The following MYO9A variants were observed in gnomAD, a reference collection of about 807,000 sequenced individuals.
The protein encoded by MYO9A is unconventional myosin-IXa.
A neutral mutation model predicts 293.3 loss-of-function variants in MYO9A; 103 were observed. The ratio of observed to expected loss-of-function variants is 0.35; its 90% CI spans 0.30 to 0.41. The LOEUF (loss-of-function observed/expected upper bound fraction) is 0.41, where lower values mean the gene tolerates loss of function less well. Among genes scored for constraint, MYO9A ranks in the 10% least tolerant of loss-of-function variants. The pLI is 1.00. For synonymous variants in MYO9A, 1,001 were observed against 1,035.7 expected (o/e 0.97, Z 0.64); for missense variants, 2,685 against 3,033.0 (o/e 0.89, Z 2.69).
At chr15:71,961,938 G>C (rs917213739) in intron 13 of MYO9A, among the ~76,000 whole-genome samples, 6 of 151,978 alleles carry the variant, frequency 3.9e-5, no homozygotes, top group African/African-American at 1.4e-4. Flanking sequence ...TGCCCAGGCT[G>C]GTCTTGAACT....
At chr15:72,074,696 T>C (rs1226646903) in intron 1 of MYO9A, among the ~76,000 whole-genome samples, 1 of 151,984 alleles carries the variant, frequency 6.6e-6, no homozygotes, top group African/African-American at 2.4e-5. Flanking sequence ...ATCTGCAGAG[T>C]AGAAAGTCAA....
intron 32 of MYO9A, among the ~76,000 whole-genome samples, chr15:71,873,053 C>A (rs1170100216): frequency 6.6e-6 from 1 of 152,052 alleles, no homozygotes; most frequent in Non-Finnish European, 1.5e-5. Context: ...GCTGGGATTA[C>A]AGGCGCCCAT....
At chr15:72,055,156 C>T (rs2078685003) in intron 1 of MYO9A, among the ~76,000 whole-genome samples, 1 of 152,176 alleles carries the variant, frequency 6.6e-6, no homozygotes, top group Non-Finnish European at 1.5e-5. Context: ...CACAGTGGTG[C>T]GTGCCCATAG....
intron 6 of MYO9A, among the ~76,000 whole-genome samples, chr15:72,014,178 T>C (rs28455109): frequency 4.6e-5 from 7 of 152,176 alleles, no homozygotes; most frequent in Admixed American, 2.6e-4. Flanking sequence ...GCAAGCAGCA[T>C]TGGCTCACAA....
chr15:71,953,959 A>C (rs969719471), intron 14 of MYO9A, among the ~76,000 whole-genome samples: 15 of 150,916 alleles, frequency 9.9e-5, no homozygotes, highest in South Asian at 2.1e-4. Flanking sequence ...GCACTGGTGC[A>C]ATCTCGGCTC....
At chr15:71,948,768 A>G (rs1372672636) in intron 15 of MYO9A, among the ~76,000 whole-genome samples, 1 of 152,140 alleles carries the variant, frequency 6.6e-6, no homozygotes, top group Non-Finnish European at 1.5e-5. Flanking sequence ...TAGTCTGAAA[A>G]TGTATTTCAC....
intron 15 of MYO9A, among the ~76,000 whole-genome samples, chr15:71,943,673 C>A (rs2058836728): frequency 6.6e-6 from 1 of 152,020 alleles, no homozygotes; most frequent in African/African-American, 2.4e-5. Context: ...TTGCCTTATG[C>A]CCCTTCTTGG....
At chr15:71,948,196 C>T (rs1390619120) in intron 15 of MYO9A, among the ~76,000 whole-genome samples, 1 of 152,154 alleles carries the variant, frequency 6.6e-6, no homozygotes, top group Admixed American at 6.5e-5. Flanking sequence ...TTTTAAACCA[C>T]CAAAATAATG....
At chr15:72,070,941 T>C (rs2079171663) in intron 1 of MYO9A, among the ~76,000 whole-genome samples, 1 of 152,142 alleles carries the variant, frequency 6.6e-6, no homozygotes, top group South Asian at 2.1e-4. Flanking sequence ...GACCTCAAAC[T>C]ATAGAAATCC....
At chr15:71,896,606 C>A (rs4777469) in intron 25 of MYO9A, among the ~76,000 whole-genome samples, 32,140 of 151,534 alleles carry the variant, frequency 0.21, 3,679 homozygotes, top group East Asian at 0.41. Flanking sequence ...ATGGTGAAAC[C>A]CCATCTCTAC....
intron 31 of MYO9A, among the ~76,000 whole-genome samples, chr15:71,876,425 ATTTTTT>A (rs397854202): frequency 1.6e-5 from 1 of 61,072 alleles, no homozygotes; most frequent in African/African-American, 8.6e-5. Flanking sequence ...CCTGGCTGGT[ATTTTTT>A]TTTTTTTTTT....
chr15:72,092,969 A>G (rs796653551), intron 1 of MYO9A, among the ~76,000 whole-genome samples: 4 of 151,864 alleles, frequency 2.6e-5, no homozygotes, highest in African/African-American at 9.7e-5. Flanking sequence ...AATTCCCATC[A>G]CCTAGATGAA....
chr15:72,015,891 T>G (rs2077323630), intron 6 of MYO9A, among the ~76,000 whole-genome samples: 1 of 151,924 alleles, frequency 6.6e-6, no homozygotes, highest in Admixed American at 6.6e-5. Context: ...GGTTTCACCG[T>G]GTTAGCCAGG....
chr15:71,858,707 G>C (rs971147195), intron 34 of MYO9A: 1 of 117,500 alleles, frequency 8.5e-6, no homozygotes. Flanking sequence ...GCCTGTCGTG[G>C]GGTGGGGGGA....
chr15:71,856,860 T>C (rs2055885096), intron 34 of MYO9A, among the ~76,000 whole-genome samples: 1 of 152,224 alleles, frequency 6.6e-6, no homozygotes, highest in Non-Finnish European at 1.5e-5. Context: ...CTATGTGAAC[T>C]TGGCTAGGTT....
Position 72,095,744 on chromosome 15 carries a change from G to A in MYO9A, c.-72+21936C>T, listed in dbSNP as rs1209095558. Among the ~76,000 whole-genome samples, 6 of 91,278 alleles carry A rather than the reference G, an allele frequency of 6.6e-5. 1 individual carries two copies. Among genetic ancestry groups the A allele is most frequent in the African/African-American group, 1.5e-4 (6 of 38,710 alleles). The allele number at this position is 91,278 out of a possible 152,430, so 59.9% of individuals were successfully genotyped here. A position where few individuals can be genotyped will look rare whatever the true frequency, so the allele number is the denominator to read the frequency against. ...AGCTAATGACTAAGCTGAAACCAAT[G>A]CTCATTGACCATTCTGAAAATCCTA... On this transcript the variant is annotated intron_variant, in intron 1 of 41. Coordinates refer to ENST00000356056, the MANE Select transcript of MYO9A (RefSeq NM_006901.4).
intron 9 of MYO9A, among the ~76,000 whole-genome samples, chr15:71,995,227 G>A (rs998747061): frequency 6.6e-6 from 1 of 152,210 alleles, no homozygotes; most frequent in African/African-American, 2.4e-5. Context: ...GCCAGTTACA[G>A]TAGGTAAGAG....
At chr15:71,945,952 A>C (rs2058907351) in intron 15 of MYO9A, among the ~76,000 whole-genome samples, 1 of 152,204 alleles carries the variant, frequency 6.6e-6, no homozygotes, top group Non-Finnish European at 1.5e-5. Flanking sequence ...GCGTGGTATT[A>C]AGACAAACTT....
Position 71,862,581 on chromosome 15 carries a change from C to T in MYO9A, c.6010G>A (p.Ala2004Thr), listed in dbSNP as rs759439592. The change falls in exon 33 of 42, where the codon GCC becomes ACC. Residue 2004 changes from alanine (A) to threonine (T), a missense_variant. Ala to Thr is a moderately conservative substitution (Grantham distance 58). Transcript: ENST00000356056. ...TATGTAGGGATGCTATATTGGGTGGCTTTAAAGATGTGACCATTGTGTTCT... is the reference window on the plus strand; with the variant it reads ...TATGTAGGGATGCTATATTGGGTGGTTTTAAAGATGTGACCATTGTGTTCT... ...VEEHNGHIFKATQYSIPTYCE... is the reference protein window; with the variant it reads ...VEEHNGHIFKTTQYSIPTYCE... The T allele has an allele frequency of 1.2e-6, 2 of 1,612,796 alleles. No homozygotes were observed. Among genetic ancestry groups the T allele is most frequent in the East Asian group, 4.5e-5 (2 of 44,786 alleles).
Sources: allele counts gnomAD v4.1 joint callset (sites outside exome capture counted in the v4.1 genomes callset), GRCh38; gene constraint gnomAD v4.1.1; transcripts MANE v1.5; gene names NCBI Gene and HGNC (gene_info 2026-07-23, HGNC 2026-07-21).